The following SUGCT variants were observed in gnomAD, a reference collection of about 807,000 sequenced individuals.
SUGCT encodes the protein succinyl-CoA:glutarate CoA-transferase.
A neutral mutation model predicts 55.0 loss-of-function variants in SUGCT; 41 were observed. The ratio of observed to expected loss-of-function variants is 0.74; its 90% confidence interval spans 0.58 to 0.97. The LOEUF (loss-of-function observed/expected upper bound fraction) is 0.97. Among genes scored for constraint, SUGCT ranks in the 50% least tolerant of loss-of-function variants. The pLI is 0.00. For synonymous variants in SUGCT, 187 were observed against 200.4 expected (o/e 0.93, Z 0.56); for missense variants, 568 against 547.8 (o/e 1.04, Z -0.37).
chr7:40,827,593 G>A (rs1792380193), intron 13 of SUGCT, among the ~76,000 whole-genome samples: 1 of 152,168 alleles, frequency 6.6e-6, no homozygotes, highest in Admixed American at 6.5e-5. Flanking sequence ...GACAAAGGAA[G>A]CTTGGCTCTG....
At chr7:40,415,483 C>T (rs1247237376) in intron 9 of SUGCT, among the ~76,000 whole-genome samples, 5 of 150,568 alleles carry the variant, frequency 3.3e-5, no homozygotes, top group Non-Finnish European at 5.9e-5. Flanking sequence ...TTTCCCAATC[C>T]TCTATTCATC....
At chr7:41,012,143 A>C in the SUGCT span, among the ~76,000 whole-genome samples, 1 of 151,908 alleles carries the variant, frequency 6.6e-6, no homozygotes, top group East Asian at 1.9e-4. Context: ...ATTTCCCGGA[A>C]CCAGCCTTTT....
At chr7:41,013,010 T>G in the SUGCT span, among the ~76,000 whole-genome samples, 1 of 85,462 alleles carries the variant, frequency 1.2e-5, no homozygotes, top group Non-Finnish European at 2.3e-5. Flanking sequence ...GAGGAAACTC[T>G]GATTTAAATA....
chr7:40,221,676 A>G (rs1044688923), intron 6 of SUGCT, among the ~76,000 whole-genome samples: 1 of 151,582 alleles, frequency 6.6e-6, no homozygotes, highest in Non-Finnish European at 1.5e-5. Flanking sequence ...TTTTTAGTAG[A>G]GATGGGGTTT....
intron 12 of SUGCT, among the ~76,000 whole-genome samples, chr7:40,661,677 T>A (rs758660774): frequency 6.6e-6 from 1 of 152,214 alleles, no homozygotes; most frequent in East Asian, 1.9e-4. Flanking sequence ...ATCTATGTCT[T>A]GTCAGTGCCA....
chr7:40,871,667 C>T, the SUGCT span, among the ~76,000 whole-genome samples: 32 of 151,234 alleles, frequency 2.1e-4, no homozygotes, highest in Middle Eastern at 6.8e-3. Flanking sequence ...CTTTATAGTC[C>T]CCCCGCCCCC....
rs187695689 is a variant in SUGCT at position 40,316,764 on chromosome 7, C to T, written c.725C>T (p.Ala242Val). 1.3e-5 allele frequency: 20 copies of T among 1,590,448 alleles called. No homozygotes were observed. Among genetic ancestry groups the T allele is most frequent in the Middle Eastern group, 3.3e-4 (2 of 6,034 alleles). The change falls in exon 9 of 14, where the codon GCG (alanine) becomes GTG (valine). Residue 242 changes from alanine (A) to valine (V), a missense_variant. By Grantham distance (64) the Ala-to-Val change is moderately conservative. Coordinates refer to ENST00000335693, the MANE Select transcript of SUGCT (RefSeq NM_001193313.2). ...ATTTACTTTTTTTCCTGGTAGGTGG[C>T]GTGTTTGTCTCACATAGCTGCAAAT... Reference protein sequence around the residue: ...IDCNLLSSQVACLSHIAANYL... With the variant: ...IDCNLLSSQVVCLSHIAANYL...
the SUGCT span, among the ~76,000 whole-genome samples, chr7:40,936,937 T>G: frequency 6.6e-6 from 1 of 152,172 alleles, no homozygotes; most frequent in Non-Finnish European, 1.5e-5. Flanking sequence ...GATTTCTAAT[T>G]TCATTTCTTT....
chr7:40,511,701 T>C (rs1302311282), intron 12 of SUGCT, among the ~76,000 whole-genome samples: 1 of 152,160 alleles, frequency 6.6e-6, no homozygotes, highest in Non-Finnish European at 1.5e-5. Context: ...ATTACATAAA[T>C]GCAAAGACAA....
chr7:40,232,254 T>C (rs978033823), intron 6 of SUGCT, among the ~76,000 whole-genome samples: 3 of 152,218 alleles, frequency 2.0e-5, no homozygotes, highest in African/African-American at 7.2e-5. Flanking sequence ...ATCCTGAGTC[T>C]CTTGGTTGCT....
chr7:40,713,392 C>G (rs149922986), intron 12 of SUGCT, among the ~76,000 whole-genome samples: 1 of 152,294 alleles, frequency 6.6e-6, no homozygotes, highest in Non-Finnish European at 1.5e-5. Context: ...GATAACCCTC[C>G]CATCTTTTCT....
At chr7:40,841,305 C>T (rs1327789020) in intron 13 of SUGCT, among the ~76,000 whole-genome samples, 1 of 152,066 alleles carries the variant, frequency 6.6e-6, no homozygotes, top group African/African-American at 2.4e-5. Context: ...CTACATCTTC[C>T]TGTTTTACAG....
At chr7:40,752,608 G>A (rs577575876) in intron 13 of SUGCT, among the ~76,000 whole-genome samples, 4 of 152,172 alleles carry the variant, frequency 2.6e-5, no homozygotes, top group East Asian at 1.9e-4. Flanking sequence ...CACCTGCCTC[G>A]GCCTCCCAAA....
At chr7:40,553,411 G>T (rs1418546487) in intron 12 of SUGCT, among the ~76,000 whole-genome samples, 1 of 152,140 alleles carries the variant, frequency 6.6e-6, no homozygotes, top group Non-Finnish European at 1.5e-5. Context: ...ATGGAAAATT[G>T]ACCGCGAATG....
chr7:40,162,748 A>C (rs1784240175), intron 1 of SUGCT, among the ~76,000 whole-genome samples: 1 of 152,328 alleles, frequency 6.6e-6, no homozygotes, highest in African/African-American at 2.4e-5. Context: ...TTGGCCTTCC[A>C]AATGTTGGGA....
chr7:40,914,173 A>G, the SUGCT span, among the ~76,000 whole-genome samples: 1 of 151,984 alleles, frequency 6.6e-6, no homozygotes, highest in Non-Finnish European at 1.5e-5. Context: ...ATGTCTGGAA[A>G]GGGTTCCAGG....
the SUGCT span, among the ~76,000 whole-genome samples, chr7:40,939,297 C>T: frequency 6.6e-6 from 1 of 152,160 alleles, no homozygotes. Context: ...GAGAAACCAC[C>T]CCCATTATTC....
the SUGCT span, among the ~76,000 whole-genome samples, chr7:40,923,504 T>C: frequency 1.3e-5 from 2 of 152,186 alleles, no homozygotes; most frequent in Non-Finnish European, 2.9e-5. Context: ...AACGTTGAAA[T>C]TGAAACATGT....
At chr7:40,181,622 T>C (rs1019250206) in intron 2 of SUGCT, among the ~76,000 whole-genome samples, 13 of 152,030 alleles carry the variant, frequency 8.6e-5, no homozygotes, top group African/African-American at 3.1e-4. Context: ...GGTGGGCACC[T>C]GTAGTCCCAT....
Sources: gnomAD v4.1 joint callset for allele counts (sites outside exome capture counted in the v4.1 genomes callset) on GRCh38, gnomAD v4.1.1 for gene constraint, MANE v1.5 for transcripts, NCBI Gene and HGNC (gene_info 2026-07-23, HGNC 2026-07-21) for gene names.